Variants in FBH1 observed in about 807,000 individuals in gnomAD.
FBH1 encodes the protein DNA 3'-5' helicase 1.
FBH1 carries 43 observed loss-of-function variants against 115.5 expected under a neutral mutation model. The observed-to-expected ratio is 0.37, with a 90% CI of 0.29 to 0.48. The LOEUF (loss-of-function observed/expected upper bound fraction) is 0.48. Among genes scored for constraint, FBH1 ranks in the 20% least tolerant of loss-of-function variants. The probability of loss-of-function intolerance (pLI) is 0.99; values close to 1 mark genes in which losing one functional copy is unlikely to be tolerated. For synonymous variants in FBH1, 524 were observed against 507.8 expected, an observed-to-expected ratio of 1.03 and a Z score of -0.43; for missense variants, 1,001 against 1,337.3, an observed-to-expected ratio of 0.75 and a Z score of 3.92.
chr10:5,928,059 C>T (rs1401770324), intron 19 of FBH1, among the ~76,000 whole-genome samples: 3 of 116,042 alleles, frequency 2.6e-5, no homozygotes, highest in African/African-American at 1.1e-4. Context: ...GGTGACAGAG[C>T]GAGACTCCAT....
intron 18 of FBH1, among the ~76,000 whole-genome samples, chr10:5,926,811 T>G (rs188440780): frequency 1.3e-5 from 2 of 152,252 alleles, no homozygotes; most frequent in African/African-American, 4.8e-5. Flanking sequence ...AGCAGCTTTT[T>G]GCACGGCCTC....
rs190541985 is a variant in FBH1, at chr10:5,909,893, G to C, written c.1020+599G>C. 1.3e-5 allele frequency among the ~76,000 whole-genome samples: 2 copies of C among 152,222 alleles called. No homozygotes were observed. The highest frequency in any genetic ancestry group is 2.9e-5 in the Non-Finnish European group (2 of 68,050). ...AAGAAGATGATTGCTGATGGTGGTGGAGTGGGTCTTCTTTCACAGGATGGT... is the reference window on the plus strand; with the variant it reads ...AAGAAGATGATTGCTGATGGTGGTGCAGTGGGTCTTCTTTCACAGGATGGT... On this transcript the variant is annotated intron_variant, in intron 5 of 20. Transcript: ENST00000362091. The surrounding 1 kb of genome is among the most constrained non-coding windows in gnomAD (Gnocchi z 4.4).
intron 1 of FBH1, among the ~76,000 whole-genome samples, chr10:5,901,100 AAAAG>A (rs1301264712): frequency 6.7e-6 from 1 of 149,426 alleles, no homozygotes; most frequent in African/African-American, 2.5e-5. Context: ...CTGTCTCAAA[AAAAG>A]AAAAAAGAAA....
Position 5,918,961 on chromosome 10 carries a change from C to T in FBH1, c.2100+483C>T, listed in dbSNP as rs959352829. Among the ~76,000 whole-genome samples the T allele has an allele frequency of 2.0e-5, 3 of 152,202 alleles. No homozygotes were observed. The highest frequency in any genetic ancestry group is 6.5e-5 in the Admixed American group (1 of 15,278). ...TTATGCGAAAAGTTTATTATGCGCT[C>T]CTTCCTTTCCAATCACATGTCTGTG... On this transcript the variant is annotated intron_variant, in intron 13 of 20. Transcript: ENST00000362091. The surrounding 1 kb of genome is among the most constrained non-coding windows in gnomAD (Gnocchi z 4.0).
intron 15 of FBH1, among the ~76,000 whole-genome samples, chr10:5,922,463 A>G (rs1832370893): frequency 6.6e-6 from 1 of 152,170 alleles, no homozygotes; most frequent in African/African-American, 2.4e-5. Context: ...TCTGGTAGAT[A>G]TAACATAATT....
At position 5,913,936 on chromosome 10, in the gene FBH1, T is replaced by C. The variant is rs961862072; in HGVS notation, c.1304+97T>C. 7.1e-6 allele frequency: 7 copies of C among 984,870 alleles called. No individual in the cohort carries two copies. Among genetic ancestry groups the C allele is most frequent in the Non-Finnish European group, 1.1e-5 (7 of 644,778 alleles). The allele number at this position is 984,870 out of a possible 1,614,324, so 61.0% of individuals were successfully genotyped here. A position where few individuals can be genotyped will look rare whatever the true frequency, so the allele number is the denominator to read the frequency against. ...TTTTGCTTCACTTTAGCAACATCAT[T>C]GAGGTTAATAATGTAAATTGTGTAA... On this transcript the variant is annotated intron_variant, in intron 7 of 20. Transcript: ENST00000362091. The surrounding 1 kb of genome is among the most constrained non-coding windows in gnomAD (Gnocchi z 4.4).
In FBH1 at chr10:5,924,897, CTT is replaced by C. The variant is rs775158456; in HGVS notation, c.2596+391_2596+392del. The C allele has an allele frequency of 2.7e-5, 10 of 373,428 alleles. No homozygotes were observed. In the East Asian group the frequency reaches 3.6e-4, roughly 14 times the overall value. The allele number at this position is 373,428 out of a possible 1,614,324, so 23.1% of individuals were successfully genotyped here. On this transcript the variant is annotated intron_variant, in intron 17 of 20. Coordinates refer to ENST00000362091, the MANE Select transcript of FBH1 (RefSeq NM_178150.3). This position sits in a 1 kb window ranked among gnomAD's most constrained non-coding sequence, Gnocchi z 6.2. ...GCTGTTTCTTCCCTGTGTGGAATAT[CTT>C]TGAGCAAGGATGGCTTTATTGCTTA... is the stretch of plus-strand genomic sequence containing the variant.
At position 5,924,926 on chromosome 10, in the gene FBH1, G is replaced by T. The variant is rs920724138; in HGVS notation, c.2596+418G>T. On this transcript the variant is annotated intron_variant, in intron 17 of 20. Coordinates refer to ENST00000362091, the MANE Select transcript of FBH1 (RefSeq NM_178150.3). The surrounding 1 kb of genome is among the most constrained non-coding windows in gnomAD (Gnocchi z 6.2). Reference sequence around the variant, plus strand: ...GAGCAAGGATGGCTTTATTGCTTAAGGGAAAGGGGAGCAGAGTCCTGGTTC... The same window carrying T: ...GAGCAAGGATGGCTTTATTGCTTAATGGAAAGGGGAGCAGAGTCCTGGTTC... The T allele has an allele frequency of 2.8e-6, 1 of 361,306 alleles. No individual in the cohort carries two copies. The highest frequency in any genetic ancestry group is 7.4e-5 in the East Asian group (1 of 13,478). 22.4% of individuals were successfully genotyped at this position (361,306 alleles called of 1,614,324 possible).
rs1216653689 is a variant in FBH1, at chr10:5,914,516, A to T, written c.1396+247A>T. On this transcript the variant is annotated intron_variant, in intron 8 of 20. Coordinates refer to ENST00000362091, the MANE Select transcript of FBH1 (RefSeq NM_178150.3). The surrounding 1 kb of genome is among the most constrained non-coding windows in gnomAD (Gnocchi z 5.2). ...TCACAGCAGTTAGTTGGTCGGGCAG[A>T]TGCCCCCGGGATTGAGCCCAGCATT... Among the ~76,000 whole-genome samples, 3 of 152,230 alleles carry T rather than the reference A, an allele frequency of 2.0e-5. No homozygotes were observed. Among genetic ancestry groups the T allele is most frequent in the Admixed American group, 1.3e-4 (2 of 15,288 alleles).
intron 13 of FBH1, among the ~76,000 whole-genome samples, chr10:5,920,133 CTGA>C (rs1258818973): frequency 1.3e-5 from 2 of 152,198 alleles, no homozygotes; most frequent in Admixed American, 1.3e-4. Flanking sequence ...TTCCCTATTT[CTGA>C]TGTGACCTTC....
intron 18 of FBH1, 83 bp from the exon 19 acceptor site, chr10:5,927,352 A>G: frequency 4.2e-6 from 4 of 957,508 alleles, no homozygotes; most frequent in South Asian, 3.4e-5. Context: ...GGTGGGGGCT[A>G]GTAAACATTT....
chr10:5,894,097 C>T, intron 1 of FBH1: 1 of 985,404 alleles, frequency 1.0e-6, no homozygotes, highest in Non-Finnish European at 1.2e-6. Flanking sequence ...AGCTTACTGC[C>T]TGGGAACTTT....
Position 5,906,781 on chromosome 10 carries a change from G to A in FBH1, c.753+149G>A, listed in dbSNP as rs775812082. 9.4e-6 allele frequency: 6 copies of A among 639,528 alleles called. No homozygotes were observed. Among genetic ancestry groups the A allele is most frequent in the Non-Finnish European group, 1.3e-5 (5 of 373,280 alleles). 39.6% of individuals were successfully genotyped at this position (639,528 alleles called of 1,614,324 possible). ...TCCTTAGAGGCATTTAAGGCCTTCC[G>A]TGTCTGCCCCACCCTATGACTCTAG... On this transcript the variant is annotated intron_variant, in intron 3 of 20. Transcript: ENST00000362091. The surrounding 1 kb of genome is among the most constrained non-coding windows in gnomAD (Gnocchi z 7.3).
At position 5,925,124 on chromosome 10, in the gene FBH1, A is replaced by G; in HGVS notation, c.2597-243A>G. 2.1e-6 allele frequency: 1 copy of G among 474,784 alleles called. No homozygotes were observed. Among genetic ancestry groups the G allele is most frequent in the Non-Finnish European group, 3.8e-6 (1 of 263,962 alleles). 29.4% of individuals were successfully genotyped at this position (474,784 alleles called of 1,614,324 possible). On this transcript the variant is annotated intron_variant, in intron 17 of 20. Coordinates refer to ENST00000362091, the MANE Select transcript of FBH1 (RefSeq NM_178150.3). This position sits in a 1 kb window ranked among gnomAD's most constrained non-coding sequence, Gnocchi z 4.6. ...GAGCCACTCTGTCCTCTGGGATGTGATTCCGAGAGGCGTTAACTCTCCTGC... is the reference window on the plus strand; with the variant it reads ...GAGCCACTCTGTCCTCTGGGATGTGGTTCCGAGAGGCGTTAACTCTCCTGC...
At chr10:5,919,128 C>A (rs1040584344) in intron 13 of FBH1, among the ~76,000 whole-genome samples, 1 of 152,160 alleles carries the variant, frequency 6.6e-6, no homozygotes, top group Non-Finnish European at 1.5e-5. Context: ...TGCCACTCTT[C>A]TTGCTGCATT....
chr10:5,909,221 G>A lies in FBH1; in HGVS notation c.947G>A (p.Arg316Lys), dbSNP rs1831407599. ...CCCGAGAGGGTGCTGTGGAGTCTGAGGGACCACCCCCTCCTCCCCGAGGCT... is the reference window on the plus strand; with the variant it reads ...CCCGAGAGGGTGCTGTGGAGTCTGAAGGACCACCCCCTCCTCCCCGAGGCT... Reference protein sequence around the residue: ...VDPERVLWSLRDHPLLPEAEA... With the variant: ...VDPERVLWSLKDHPLLPEAEA... The change falls in exon 5 of 21, where the codon AGG becomes AAG. Residue 316 changes from arginine (R) to lysine (K), a missense_variant. Transcript: ENST00000362091. The surrounding 1 kb of genome is among the most constrained non-coding windows in gnomAD (Gnocchi z 4.4). 8.1e-6 allele frequency: 13 copies of A among 1,612,834 alleles called. No individual in the cohort carries two copies. Among genetic ancestry groups the A allele is most frequent in the Non-Finnish European group, 1.1e-5 (13 of 1,179,734 alleles).
intron 13 of FBH1, among the ~76,000 whole-genome samples, chr10:5,919,319 C>T (rs1339760179): frequency 6.6e-6 from 1 of 152,060 alleles, no homozygotes; most frequent in Non-Finnish European, 1.5e-5. Flanking sequence ...AACCCTGTCT[C>T]TATTAAAAAT....
chr10:5,912,917 A>G (rs544879798), intron 6 of FBH1, among the ~76,000 whole-genome samples: 25 of 152,366 alleles, frequency 1.6e-4, no homozygotes, highest in African/African-American at 5.3e-4. Flanking sequence ...TCTGGGAGAT[A>G]ATATAATCAC....
chr10:5,927,127 G>T (rs1358298799), intron 18 of FBH1, among the ~76,000 whole-genome samples: 1 of 152,190 alleles, frequency 6.6e-6, no homozygotes, highest in Non-Finnish European at 1.5e-5. Context: ...GCTTGTTGTG[G>T]GAACTGGCAT....
Sources: allele counts gnomAD v4.1 joint callset (sites outside exome capture counted in the v4.1 genomes callset), GRCh38; gene constraint gnomAD v4.1.1; non-coding constraint Gnocchi (gnomAD v3.1); transcripts MANE v1.5; gene names NCBI Gene and HGNC (gene_info 2026-07-23, HGNC 2026-07-21).